The following STAU2 variants were observed in gnomAD, a reference collection of about 807,000 sequenced individuals.
STAU2 encodes staufen double-stranded RNA binding protein 2.
A neutral mutation model predicts 65.9 loss-of-function variants in STAU2; 20 were observed. The ratio of observed to expected loss-of-function variants is 0.30; its 90% CI spans 0.21 to 0.44. STAU2 has a LOEUF of 0.44. Ranked by LOEUF, STAU2 falls within the 20% of genes least tolerant of loss-of-function variation. STAU2 has a pLI of 1.00. For synonymous variants in STAU2, 232 were observed against 233.9 expected, an observed-to-expected ratio of 0.99 and a Z score of 0.07; for missense variants, 558 against 683.9, an observed-to-expected ratio of 0.82 and a Z score of 2.05.
chr8:73,597,022 G>A (rs113847989), intron 10 of STAU2, among the ~76,000 whole-genome samples: 2,018 of 152,074 alleles, frequency 0.013, 37 homozygotes, highest in African/African-American at 0.044. Context: ...ATGCATAGCC[G>A]TTAACAGCTT....
chr8:73,456,291 T>C (rs1001096036), intron 13 of STAU2, among the ~76,000 whole-genome samples: 3 of 152,220 alleles, frequency 2.0e-5, no homozygotes, highest in African/African-American at 7.2e-5. Flanking sequence ...GTTGGTGATA[T>C]AGAAGACTTT....
intron 9 of STAU2, among the ~76,000 whole-genome samples, chr8:73,606,612 T>C (rs1812050853): frequency 2.6e-5 from 4 of 152,176 alleles, no homozygotes; most frequent in South Asian, 2.1e-4. Context: ...TGTGAAACAA[T>C]TGGAGTTATC....
chr8:73,742,295 G>A, intron 1 of STAU2: 2 of 942,838 alleles, frequency 2.1e-6, no homozygotes, highest in African/African-American at 1.8e-5. Flanking sequence ...CACTTTTGGA[G>A]TCTGAGGCGG....
intron 13 of STAU2, among the ~76,000 whole-genome samples, chr8:73,548,779 C>CAA (rs1807115548): frequency 6.6e-6 from 1 of 152,190 alleles, no homozygotes; most frequent in Non-Finnish European, 1.5e-5. Context: ...AACACTGTTA[C>CAA]AGTGGATGAT....
chr8:73,660,041 C>A (rs186386038), intron 6 of STAU2, among the ~76,000 whole-genome samples: 175 of 151,970 alleles, frequency 1.2e-3, no homozygotes, highest in African/African-American at 4.0e-3. Flanking sequence ...AAAAAAGTGA[C>A]CAAATGAAAA....
At chr8:73,517,325 T>C (rs1822791282) in intron 13 of STAU2, among the ~76,000 whole-genome samples, 1 of 152,150 alleles carries the variant, frequency 6.6e-6, no homozygotes. Flanking sequence ...TTCAGGAGGC[T>C]GAAGTGGGAG....
intron 13 of STAU2, among the ~76,000 whole-genome samples, chr8:73,501,940 A>G (rs1307270600): frequency 6.6e-6 from 1 of 151,948 alleles, no homozygotes; most frequent in African/African-American, 2.4e-5. Context: ...AGGAGTTTCC[A>G]TTTCTGTTGG....
chr8:73,663,348 T>C (rs1306273977), intron 6 of STAU2, among the ~76,000 whole-genome samples: 1 of 152,200 alleles, frequency 6.6e-6, no homozygotes, highest in Non-Finnish European at 1.5e-5. Flanking sequence ...AAAACATTAC[T>C]TAGCTTGCAA....
At chr8:73,733,670 G>A (rs1806230845) in intron 3 of STAU2, among the ~76,000 whole-genome samples, 1 of 152,046 alleles carries the variant, frequency 6.6e-6, no homozygotes, top group Non-Finnish European at 1.5e-5. Context: ...GATGACAGTA[G>A]ACACATATAA....
At chr8:73,425,652 C>G (rs780922665) in intron 13 of STAU2, among the ~76,000 whole-genome samples, 1 of 152,114 alleles carries the variant, frequency 6.6e-6, no homozygotes, top group Non-Finnish European at 1.5e-5. Context: ...CTCTCTCTCC[C>G]TGTATTATTT....
chr8:73,522,544 C>T (rs1823096486), intron 13 of STAU2, among the ~76,000 whole-genome samples: 1 of 152,160 alleles, frequency 6.6e-6, no homozygotes, highest in South Asian at 2.1e-4. Flanking sequence ...AAATCAGTGA[C>T]CTTTGTATGC....
intron 13 of STAU2, among the ~76,000 whole-genome samples, chr8:73,435,092 G>A (rs777250222): frequency 1.4e-4 from 22 of 151,762 alleles, no homozygotes; most frequent in Non-Finnish European, 2.4e-4. Flanking sequence ...CTGGTATGGA[G>A]ATGCCCCCCC....
intron 9 of STAU2, among the ~76,000 whole-genome samples, chr8:73,611,672 GATTATT>G (rs954725394): frequency 2.0e-5 from 3 of 149,550 alleles, no homozygotes; most frequent in African/African-American, 7.3e-5. Flanking sequence ...TTATTATTAT[GATTATT>G]ATTATTATTA....
rs1461725513 is a variant in STAU2, at chr8:73,521,822, T to G, written c.1530+30190A>C. On this transcript the variant is annotated intron_variant, in intron 13 of 14. Transcript: ENST00000524300. ...TTTTCTACTTATAATATTTTCAATTTAGATGGGTTGAAGAGCATTTGTAAT... is the reference window on the plus strand; with the variant it reads ...TTTTCTACTTATAATATTTTCAATTGAGATGGGTTGAAGAGCATTTGTAAT... Among the ~76,000 whole-genome samples, 5 of 152,338 alleles carry G rather than the reference T, an allele frequency of 3.3e-5. No homozygotes were observed. In the East Asian group the frequency reaches 5.8e-4, roughly 18 times the overall value.
intron 13 of STAU2, among the ~76,000 whole-genome samples, chr8:73,480,354 A>G (rs1276035594): frequency 6.6e-6 from 1 of 152,212 alleles, no homozygotes; most frequent in Non-Finnish European, 1.5e-5. Flanking sequence ...GGAATAAGAC[A>G]TGAGCTTTTC....
intron 13 of STAU2, among the ~76,000 whole-genome samples, chr8:73,482,539 CT>C (rs1244431547): frequency 6.6e-6 from 1 of 152,078 alleles, no homozygotes; most frequent in Non-Finnish European, 1.5e-5. Context: ...CAAAGAAGCT[CT>C]TTTAGGAGAC....
intron 13 of STAU2, among the ~76,000 whole-genome samples, chr8:73,539,586 T>G (rs894366788): frequency 6.6e-6 from 1 of 152,200 alleles, no homozygotes; most frequent in African/African-American, 2.4e-5. Context: ...CTCATGCCTG[T>G]AATCCCAGCA....
chr8:73,545,466 G>A (rs1279280216), intron 13 of STAU2, among the ~76,000 whole-genome samples: 2 of 152,048 alleles, frequency 1.3e-5, no homozygotes, highest in Non-Finnish European at 2.9e-5. Flanking sequence ...TATTAAGATG[G>A]CAGAACTTTC....
chr8:73,461,724 A>C (rs563952287), intron 13 of STAU2, among the ~76,000 whole-genome samples: 1 of 152,214 alleles, frequency 6.6e-6, no homozygotes, highest in Admixed American at 6.5e-5. Flanking sequence ...GGGGAGAAGC[A>C]GAAGCCAGGC....
Sources: allele counts gnomAD v4.1 joint callset (sites outside exome capture counted in the v4.1 genomes callset), GRCh38; gene constraint gnomAD v4.1.1; transcripts MANE v1.5; gene names NCBI Gene and HGNC (gene_info 2026-07-23, HGNC 2026-07-21).